The following PFKP variants were observed in gnomAD, a reference collection of about 807,000 sequenced individuals.
PFKP encodes ATP-dependent 6-phosphofructokinase, platelet type.
A neutral mutation model predicts 94.3 loss-of-function variants in PFKP; 101 were observed. The ratio of observed to expected loss-of-function variants is 1.07; its 90% CI spans 0.91 to 1.26. The LOEUF is 1.26. Ranked by LOEUF, PFKP falls within the 50% of genes most tolerant of loss-of-function variation. PFKP has a pLI of 0.00. For synonymous variants in PFKP, 573 were observed against 432.6 expected, an observed-to-expected ratio of 1.32 and a Z score of -4.03; for missense variants, 1,145 against 1,103.3, an observed-to-expected ratio of 1.04 and a Z score of -0.53.
chr10:3,080,379 T>C (rs1388306704), intron 1 of PFKP, among the ~76,000 whole-genome samples: 4 of 151,654 alleles, frequency 2.6e-5, no homozygotes, highest in African/African-American at 4.8e-5. Flanking sequence ...TAGCCAGGCG[T>C]GGTGGCGGGC....
intron 1 of PFKP, chr10:3,068,891 C>T (rs1367641137): frequency 5.0e-6 from 1 of 199,240 alleles, no homozygotes; most frequent in East Asian, 1.9e-4. Flanking sequence ...TGGCGGATTT[C>T]CTCCCGTTTC....
intron 10 of PFKP, among the ~76,000 whole-genome samples, chr10:3,111,052 G>C (rs1329598002): frequency 6.6e-6 from 1 of 151,928 alleles, no homozygotes; most frequent in East Asian, 1.9e-4. Context: ...TTATATGCAT[G>C]TGTATATATG....
In PFKP at chr10:3,136,802, A is replaced by G. The variant is rs1465733387; in HGVS notation, c.*223A>G. The stretch of plus-strand genomic sequence containing the variant: ...AATTAAACATTTGCCTATGACTCCA[A>G]CAGTCCTCTGTTTTAGTTTTTTAAG... On this transcript the variant is annotated 3_prime_UTR_variant, in exon 22 of 22. Transcript: ENST00000381125. The G allele has an allele frequency of 2.4e-6, 1 of 424,280 alleles. No individual in the cohort carries two copies. The highest frequency in any genetic ancestry group is 4.3e-6 in the Non-Finnish European group (1 of 230,472). 26.3% of individuals were successfully genotyped at this position (424,280 alleles called of 1,614,324 possible). A position where few individuals can be genotyped will look rare whatever the true frequency, so the allele number is the denominator to read the frequency against.
intron 17 of PFKP, 36 bp downstream of exon 17, chr10:3,130,019 TG>T (rs759235896): frequency 1.4e-5 from 22 of 1,527,190 alleles, no homozygotes; most frequent in Non-Finnish European, 1.8e-5. Context: ...CCCGTCCCCT[TG>T]GGATCCACTG....
intron 10 of PFKP, 121 bp downstream of exon 10, chr10:3,109,601 G>A (rs1298243861): frequency 2.4e-6 from 3 of 1,245,134 alleles, no homozygotes; most frequent in Non-Finnish European, 3.4e-6. Context: ...CGGCCTTTCT[G>A]AGAAGGAGGT....
chr10:3,086,129 T>C (rs1008466258), intron 2 of PFKP, among the ~76,000 whole-genome samples: 20 of 152,266 alleles, frequency 1.3e-4, no homozygotes, highest in South Asian at 4.1e-4. Flanking sequence ...TTTTCTGTTA[T>C]AATTCGCAAA....
chr10:3,080,410 A>G (rs911556637), intron 1 of PFKP, among the ~76,000 whole-genome samples: 13 of 150,330 alleles, frequency 8.6e-5, no homozygotes, highest in East Asian at 2.0e-4. Context: ...CCAGCTGCTC[A>G]GGAGGCTGAG....
chr10:3,099,606 A>T (rs930597540), intron 3 of PFKP, among the ~76,000 whole-genome samples: 4 of 152,172 alleles, frequency 2.6e-5, no homozygotes, highest in African/African-American at 9.7e-5. Flanking sequence ...TGGGGCCCAC[A>T]CCTTCGTGCT....
intron 8 of PFKP, chr10:3,107,758 A>C: frequency 5.1e-6 from 5 of 985,448 alleles, no homozygotes; most frequent in Non-Finnish European, 6.0e-6. Flanking sequence ...TTACAAAGCC[A>C]CTGTGTCCTC....
intron 14 of PFKP, among the ~76,000 whole-genome samples, chr10:3,117,489 A>G (rs1836952106): frequency 6.6e-6 from 1 of 152,184 alleles, no homozygotes. Flanking sequence ...TTTTTGGCAA[A>G]TATAATAAAT....
Position 3,129,857 on chromosome 10 carries a change from G to A in PFKP, c.1722G>A (p.Lys574=). 6.2e-7 allele frequency: 1 copy of A among 1,613,714 alleles called. No homozygotes were observed. Among genetic ancestry groups the A allele is most frequent in the Non-Finnish European group, 8.5e-7 (1 of 1,180,006 alleles). Residue 574 remains lysine (K), a synonymous_variant, in exon 17 of 22, where the codon AAG becomes AAA. Transcript: ENST00000381125. ...TCAAGCAGTCCGCCAGCGGAACCAA[G>A]CGGCGCGTGTTCATCATCGAGACCA... ...DRIKQSASGT[K]RRVFIIETMG...
chr10:3,100,950 C>G, intron 3 of PFKP: 3 of 1,611,332 alleles, frequency 1.9e-6, no homozygotes, highest in African/African-American at 1.3e-5. Flanking sequence ...GAGGGAGAAG[C>G]CTGGCTGCTG....
chr10:3,105,252 C>A (rs1238998742), intron 6 of PFKP, 93 bp downstream of exon 6: 1 of 1,390,602 alleles, frequency 7.2e-7, no homozygotes, highest in Non-Finnish European at 1.0e-6. Context: ...CTGAATGCTC[C>A]CGTGGAAAGT....
intron 7 of PFKP, among the ~76,000 whole-genome samples, chr10:3,106,094 A>G (rs1366834312): frequency 6.6e-6 from 1 of 152,126 alleles, no homozygotes; most frequent in East Asian, 1.9e-4. Context: ...CTGCTGCTGG[A>G]GCCTGTGTGC....
rs1389798932 is a variant in PFKP, at chr10:3,067,680, G to C, written c.85G>C (p.Val29Leu). 6.6e-7 allele frequency: 1 copy of C among 1,526,276 alleles called. No individual in the cohort carries two copies. Among genetic ancestry groups the C allele is most frequent in the East Asian group, 2.6e-5 (1 of 37,890 alleles). 94.5% of individuals were successfully genotyped at this position (1,526,276 alleles called of 1,614,324 possible). The change falls in exon 1 of 22, where the codon GTG becomes CTG. Residue 29 changes from valine (V) to leucine (L), a missense_variant. Val to Leu is a conservative substitution (Grantham distance 32, BLOSUM62 1). Around this residue, in one of 3 missense-constraint regions of PFKP, gnomAD observed 1,119 missense variants for 1,062.8 expected, o/e 1.05. Coordinates refer to ENST00000381125, the MANE Select transcript of PFKP (RefSeq NM_002627.5). ...CTCCGGGGCCGGCAAGGCCATCGGCGTGCTGACCAGCGGCGGGGATGCTCA... is the reference window on the plus strand; with the variant it reads ...CTCCGGGGCCGGCAAGGCCATCGGCCTGCTGACCAGCGGCGGGGATGCTCA... ...HLSGAGKAIG[V>L]LTSGGDAQGM...
chr10:3,127,828 C>G (rs1838126155), intron 16 of PFKP, among the ~76,000 whole-genome samples: 1 of 152,194 alleles, frequency 6.6e-6, no homozygotes, highest in African/African-American at 2.4e-5. Flanking sequence ...AATACATCAA[C>G]CAATTATTTT....
At chr10:3,083,310 C>T (rs1833235242) in intron 2 of PFKP, among the ~76,000 whole-genome samples, 1 of 152,066 alleles carries the variant, frequency 6.6e-6, no homozygotes, top group Admixed American at 6.6e-5. Context: ...GTCCTGGCAA[C>T]TTAAGACTAA....
At chr10:3,116,963 G>GGA in intron 14 of PFKP, 117 bp downstream of exon 14, 1 of 824,562 alleles carries the variant, frequency 1.2e-6, no homozygotes, top group Admixed American at 1.8e-5. Flanking sequence ...CGTCCCTAAG[G>GGA]GAGGGGTGCA....
Position 3,134,474 on chromosome 10 carries a change from C to T in PFKP, c.2023-9C>T, listed in dbSNP as rs556471243. 1.2e-5 allele frequency: 19 copies of T among 1,551,972 alleles called. No homozygotes were observed. The highest frequency in any genetic ancestry group is 1.7e-4 in the Middle Eastern group (1 of 5,978). ...AACTGGTATTTCATATAACTCTAAC[C>T]ACCAACAGGGTGGGGCACCCTCTCC... On this transcript the variant is annotated splice_polypyrimidine_tract_variant and intron_variant, in intron 19 of 21. Transcript: ENST00000381125.
Sources: gnomAD v4.1 joint callset for allele counts (sites outside exome capture counted in the v4.1 genomes callset) on GRCh38, gnomAD v4.1.1 for gene constraint, gnomAD v4.1.1 regional missense constraint, MANE v1.5 for transcripts, NCBI Gene and HGNC (gene_info 2026-07-23, HGNC 2026-07-21) for gene names.